The following PTPRD variants were observed in gnomAD, a reference collection of about 807,000 sequenced individuals.
PTPRD encodes protein tyrosine phosphatase receptor type D.
A neutral mutation model predicts 214.5 loss-of-function variants in PTPRD; 34 were observed. The ratio of observed to expected loss-of-function variants is 0.16; its 90% CI spans 0.12 to 0.21. PTPRD has a LOEUF of 0.21. Among genes scored for constraint, PTPRD ranks in the 10% least tolerant of loss-of-function variants. The pLI is 1.00. For synonymous variants in PTPRD, 1,128 were observed against 845.7 expected (o/e 1.33, Z -5.79); for missense variants, 2,545 against 2,398.7 (o/e 1.06, Z -1.27).
rs191908480 is a variant in PTPRD at position 8,946,330 on chromosome 9, C to A, written c.-104+72367G>T. Among the ~76,000 whole-genome samples, 375 of 152,176 alleles carry A rather than the reference C, an allele frequency of 2.5e-3. 1 individual carries two copies. The highest frequency in any genetic ancestry group is 3.4e-3 in the Non-Finnish European group (228 of 68,006). On this transcript the variant is annotated intron_variant, in intron 11 of 45. Coordinates refer to ENST00000381196, the MANE Select transcript of PTPRD (RefSeq NM_002839.4). The stretch of plus-strand genomic sequence containing the variant: ...AGTCTTAAAACGGAGACCACCCCCC[C>A]ACCACCCCAAGGAGGCAGCAGTATA...
chr9:8,326,072 G>T (rs1237573137), intron 44 of PTPRD, among the ~76,000 whole-genome samples: 1 of 152,154 alleles, frequency 6.6e-6, no homozygotes, highest in Non-Finnish European at 1.5e-5. Context: ...TCTTTCTGTT[G>T]CCTGACTGCC....
In PTPRD at chr9:10,261,005, T is replaced by A. The variant is rs541299838; in HGVS notation, c.-545+79958A>T. On this transcript the variant is annotated intron_variant, in intron 3 of 45. Transcript: ENST00000381196. ...ATATATATGTATATATATGTGTATA[T>A]ATGTATATATGTGTGTATATATATT... Among the ~76,000 whole-genome samples the A allele has an allele frequency of 8.8e-4, 130 of 147,964 alleles. 1 individual carries two copies. In the Middle Eastern group the frequency reaches 0.036, roughly 41 times the overall value.
intron 9 of PTPRD, among the ~76,000 whole-genome samples, chr9:9,281,514 C>T (rs2133588485): frequency 6.6e-6 from 1 of 151,304 alleles, no homozygotes; most frequent in South Asian, 2.1e-4. Context: ...ATCATAGGTC[C>T]TTAGGAAATT....
At chr9:9,438,906 G>A (rs1446214412) in intron 8 of PTPRD, among the ~76,000 whole-genome samples, 1 of 151,992 alleles carries the variant, frequency 6.6e-6, no homozygotes, top group African/African-American at 2.4e-5. Flanking sequence ...AATATAAAAT[G>A]GGAACGCTCT....
At chr9:9,942,644 A>C (rs2091779781) in intron 4 of PTPRD, among the ~76,000 whole-genome samples, 1 of 152,270 alleles carries the variant, frequency 6.6e-6, no homozygotes, top group South Asian at 2.1e-4. Context: ...GCCGACTTCT[A>C]CAATTTTGCA....
At chr9:10,229,447 C>T (rs1033135249) in intron 3 of PTPRD, among the ~76,000 whole-genome samples, 3 of 152,022 alleles carry the variant, frequency 2.0e-5, no homozygotes, top group Non-Finnish European at 4.4e-5. Flanking sequence ...GACTTGGAAC[C>T]AACCCAAATG....
At chr9:8,373,288 C>T (rs1340564979) in intron 39 of PTPRD, among the ~76,000 whole-genome samples, 8 of 151,976 alleles carry the variant, frequency 5.3e-5, no homozygotes, top group African/African-American at 9.6e-5. Flanking sequence ...TGGATGTTGA[C>T]GATGTTGACA....
intron 11 of PTPRD, among the ~76,000 whole-genome samples, chr9:8,812,125 A>G (rs2096821069): frequency 6.6e-6 from 1 of 152,160 alleles, no homozygotes; most frequent in South Asian, 2.1e-4. Context: ...AAAAATAAGT[A>G]CTCATTAGGG....
chr9:9,633,866 T>C (rs998979376), intron 7 of PTPRD, among the ~76,000 whole-genome samples: 1 of 152,128 alleles, frequency 6.6e-6, no homozygotes, highest in East Asian at 1.9e-4. Flanking sequence ...CATAAATAGA[T>C]TGTATATTCA....
intron 7 of PTPRD, among the ~76,000 whole-genome samples, chr9:9,621,743 T>C (rs1284896396): frequency 6.6e-6 from 1 of 152,214 alleles, no homozygotes; most frequent in Non-Finnish European, 1.5e-5. Context: ...GGAGCACGCC[T>C]GGGCTGGGGT....
chr9:9,575,722 A>G (rs1392706419), intron 7 of PTPRD, among the ~76,000 whole-genome samples: 1 of 122,248 alleles, frequency 8.2e-6, no homozygotes, highest in Non-Finnish European at 1.6e-5. Flanking sequence ...TGTCTCAAAA[A>G]AAAAAAAAAA....
At chr9:8,812,759 A>C (rs2096837048) in intron 11 of PTPRD, among the ~76,000 whole-genome samples, 1 of 151,858 alleles carries the variant, frequency 6.6e-6, no homozygotes, top group African/African-American at 2.4e-5. Flanking sequence ...TAAAATATAC[A>C]AACTTTTTTT....
At chr9:8,833,401 T>G (rs1020916523) in intron 11 of PTPRD, among the ~76,000 whole-genome samples, 3 of 152,118 alleles carry the variant, frequency 2.0e-5, no homozygotes, top group African/African-American at 7.2e-5. Context: ...TAAGTAGAGA[T>G]ATGTATTTTA....
chr9:9,360,573 G>A (rs1221097528), intron 9 of PTPRD, among the ~76,000 whole-genome samples: 1 of 151,122 alleles, frequency 6.6e-6, no homozygotes, highest in East Asian at 1.9e-4. Flanking sequence ...AAGTAAAGCT[G>A]ATAATGAGAA....
rs1024779191 is a variant in PTPRD at position 8,714,312 on chromosome 9, T to TTTTTG, written c.64+19463_64+19467dup. Among the ~76,000 whole-genome samples, 5 of 148,532 alleles carry TTTTTG rather than the reference T, an allele frequency of 3.4e-5. No individual in the cohort carries two copies. In the East Asian group the frequency reaches 5.8e-4, roughly 17 times the overall value. On this transcript the variant is annotated intron_variant, in intron 12 of 45. Coordinates refer to ENST00000381196, the MANE Select transcript of PTPRD (RefSeq NM_002839.4). ...CCCCTTTAACAGCTTATTGGGTTTT[T>TTTTTG]TTTTGTTTTGTTTTGTTTTGTTTTA...
intron 6 of PTPRD, among the ~76,000 whole-genome samples, chr9:9,760,704 G>A (rs188241256): frequency 6.7e-6 from 1 of 150,074 alleles, no homozygotes; most frequent in Non-Finnish European, 1.5e-5. Context: ...AAACTCAGCA[G>A]TTTACAAATA....
chr9:9,507,295 G>A (rs576576544), intron 8 of PTPRD, among the ~76,000 whole-genome samples: 133 of 151,146 alleles, frequency 8.8e-4, no homozygotes, highest in African/African-American at 3.1e-3. Flanking sequence ...TGCAGAAACT[G>A]GGATTAAATT....
chr9:9,397,105 G>A (rs539685663), intron 9 of PTPRD, among the ~76,000 whole-genome samples: 3 of 152,068 alleles, frequency 2.0e-5, no homozygotes, highest in African/African-American at 7.2e-5. Context: ...TATCCACTGG[G>A]TATTCTGCTA....
At chr9:9,281,724 T>C (rs1037019503) in intron 9 of PTPRD, among the ~76,000 whole-genome samples, 2 of 151,232 alleles carry the variant, frequency 1.3e-5, no homozygotes, top group African/African-American at 4.8e-5. Flanking sequence ...TCTTACCATA[T>C]AATCTCACAA....
Sources: gnomAD v4.1 joint callset for allele counts (sites outside exome capture counted in the v4.1 genomes callset) on GRCh38, gnomAD v4.1.1 for gene constraint, MANE v1.5 for transcripts, NCBI Gene and HGNC (gene_info 2026-07-23, HGNC 2026-07-21) for gene names.